The following LRRC37A variants were observed in gnomAD, a reference collection of about 807,000 sequenced individuals.
The protein encoded by LRRC37A is leucine rich repeat containing 37A.
In LRRC37A, 3 loss-of-function variants were observed where a neutral mutation model predicts 35.4. The observed-to-expected ratio is 0.08, with a 90% CI of 0.04 to 0.22. LRRC37A has a LOEUF of 0.22. LRRC37A is among the 10% of genes least tolerant of loss of function. The pLI is 1.00. For synonymous variants in LRRC37A, 23 were observed against 215.0 expected (o/e 0.11, Z 7.81); for missense variants, 67 against 565.3 (o/e 0.12, Z 8.94).
the LRRC37A span, among the ~76,000 whole-genome samples, chr17:46,273,482 T>G: frequency 6.6e-6 from 1 of 152,252 alleles, no homozygotes; most frequent in Non-Finnish European, 1.5e-5. Context: ...AATTGGGAAC[T>G]GTAGCAACAT....
upstream of LRRC37A, among the ~76,000 whole-genome samples, chr17:46,290,344 T>G (rs538507453): frequency 1.3e-5 from 2 of 152,218 alleles, no homozygotes; most frequent in Non-Finnish European, 2.9e-5. Flanking sequence ...CAGGCTGGTC[T>G]CAAAATCCTG....
chr17:46,252,830 C>T, the LRRC37A span, among the ~76,000 whole-genome samples: 1 of 151,730 alleles, frequency 6.6e-6, no homozygotes, highest in Non-Finnish European at 1.5e-5. Context: ...ACCTTTCCCC[C>T]CTTTCTACTC....
chr17:46,286,390 T>C, the LRRC37A span, among the ~76,000 whole-genome samples: 8 of 152,256 alleles, frequency 5.3e-5, no homozygotes, highest in Non-Finnish European at 1.2e-4. Flanking sequence ...ACTAGTACTG[T>C]ACCATGTGGG....
the LRRC37A span, among the ~76,000 whole-genome samples, chr17:46,261,177 C>A: frequency 6.6e-6 from 1 of 152,294 alleles, no homozygotes; most frequent in South Asian, 2.1e-4. Flanking sequence ...ACTTACGTAA[C>A]CAAACACCAG....
chr17:46,276,970 AT>A, the LRRC37A span, among the ~76,000 whole-genome samples: 1 of 151,618 alleles, frequency 6.6e-6, no homozygotes, highest in African/African-American at 2.4e-5. Context: ...TGCTCAGCTA[AT>A]TTTTTGTATT....
At chr17:46,254,271 C>T in the LRRC37A span, among the ~76,000 whole-genome samples, 1 of 148,780 alleles carries the variant, frequency 6.7e-6, no homozygotes, top group Non-Finnish European at 1.5e-5. Flanking sequence ...AGAATTTTTG[C>T]TTTCCTTGCC....
At chr17:46,257,805 G>C in the LRRC37A span, among the ~76,000 whole-genome samples, 1 of 130,298 alleles carries the variant, frequency 7.7e-6, no homozygotes, top group African/African-American at 2.7e-5. Flanking sequence ...CTAGGCGACA[G>C]AGTGAGGCCC....
chr17:46,259,019 A>ATTTTT, the LRRC37A span, among the ~76,000 whole-genome samples: 1,387 of 79,350 alleles, frequency 0.017, 334 homozygotes, highest in African/African-American at 0.042. Context: ...CACCCGGCCT[A>ATTTTT]TTTTTTTTTT....
chr17:46,275,856 T>G, the LRRC37A span, among the ~76,000 whole-genome samples: 13,909 of 142,284 alleles, frequency 0.098, 1 homozygote, highest in Middle Eastern at 0.16. Flanking sequence ...TCTATTAAAG[T>G]CCAGAAAGTC....
chr17:46,261,172 C>G, the LRRC37A span, among the ~76,000 whole-genome samples: 1 of 152,142 alleles, frequency 6.6e-6, no homozygotes, highest in African/African-American at 2.4e-5. Flanking sequence ...AACTTACTTA[C>G]GTAACCAAAC....
chr17:46,275,951 C>T, the LRRC37A span, among the ~76,000 whole-genome samples: 9 of 151,726 alleles, frequency 5.9e-5, no homozygotes, highest in African/African-American at 1.9e-4. Context: ...AGTGCAAAGG[C>T]GCGATCTTGG....
the LRRC37A span, among the ~76,000 whole-genome samples, chr17:46,281,362 C>T: frequency 5.9e-5 from 9 of 151,770 alleles, no homozygotes; most frequent in African/African-American, 1.9e-4. Flanking sequence ...TCCCGTGACT[C>T]GCATCAGCTC....
chr17:46,265,755 A>G, the LRRC37A span, among the ~76,000 whole-genome samples: 19,390 of 151,802 alleles, frequency 0.13, no homozygotes, highest in Middle Eastern at 0.2. Context: ...TGGGATTACA[A>G]GCACGAGCCA....
chr17:46,276,492 A>G, the LRRC37A span, among the ~76,000 whole-genome samples: 3 of 152,258 alleles, frequency 2.0e-5, no homozygotes, highest in African/African-American at 7.2e-5. Flanking sequence ...TTCCAGTTAA[A>G]AATTTAGACT....
the LRRC37A span, among the ~76,000 whole-genome samples, chr17:46,258,134 C>T: frequency 6.6e-6 from 1 of 152,188 alleles, no homozygotes; most frequent in East Asian, 1.9e-4. Flanking sequence ...CCCCACATAG[C>T]TAGAGTGAAT....
At chr17:46,279,777 GA>G in the LRRC37A span, among the ~76,000 whole-genome samples, 31 of 152,278 alleles carry the variant, frequency 2.0e-4, no homozygotes, top group Admixed American at 1.4e-3. Flanking sequence ...TTACAGGCAT[GA>G]ACCACCATTC....
At chr17:46,281,905 A>G in the LRRC37A span, among the ~76,000 whole-genome samples, 1 of 152,126 alleles carries the variant, frequency 6.6e-6, no homozygotes, top group South Asian at 2.1e-4. Flanking sequence ...CGGCCTCCCA[A>G]AGTGCTGGGA....
At chr17:46,267,427 C>G in the LRRC37A span, 6 of 1,612,928 alleles carry the variant, frequency 3.7e-6, no homozygotes, top group South Asian at 6.6e-5. Context: ...CCGCCTGTAC[C>G]TCACTCACCC....
chr17:46,258,940 G>C, the LRRC37A span, among the ~76,000 whole-genome samples: 10 of 146,198 alleles, frequency 6.8e-5, no homozygotes, highest in African/African-American at 2.6e-4. Flanking sequence ...GGATGGTCTC[G>C]ATCTCCTGAC....
Sources: allele counts gnomAD v4.1 joint callset (sites outside exome capture counted in the v4.1 genomes callset), GRCh38; gene constraint gnomAD v4.1.1; transcripts MANE v1.5; gene names NCBI Gene and HGNC (gene_info 2026-07-23, HGNC 2026-07-21).